ZC3H12B: variants seen among roughly 807,000 people sequenced by gnomAD.
ZC3H12B encodes zinc finger CCCH-type containing 12B, also known as probable ribonuclease ZC3H12B.
In ZC3H12B, 7 loss-of-function variants were observed where a neutral mutation model predicts 43.9. The observed-to-expected ratio is 0.16, with a 90% confidence interval of 0.09 to 0.30. The LOEUF (loss-of-function observed/expected upper bound fraction) is 0.30, where lower values mean the gene tolerates loss of function less well. ZC3H12B is among the 10% of genes least tolerant of loss of function. The pLI, the probability that ZC3H12B is intolerant of heterozygous loss-of-function variation, is 1.00. For synonymous variants in ZC3H12B, 222 were observed against 241.7 expected, an observed-to-expected ratio of 0.92 and a Z score of 0.76; for missense variants, 475 against 670.2, an observed-to-expected ratio of 0.71 and a Z score of 3.22.
the ZC3H12B span, among the ~76,000 whole-genome samples, chrX:65,155,338 A>G: frequency 9.1e-6 from 1 of 110,254 alleles, no homozygotes; most frequent in South Asian, 3.9e-4. Flanking sequence ...GAGCGATCAC[A>G]TAGTTTATCC....
At chrX:65,237,607 C>T in the ZC3H12B span, among the ~76,000 whole-genome samples, 5 of 108,556 alleles carry the variant, frequency 4.6e-5, no homozygotes, top group East Asian at 8.7e-4. Flanking sequence ...GTATCGAATA[C>T]GAGTTGTGAG....
chrX:65,158,423 C>A, the ZC3H12B span, among the ~76,000 whole-genome samples: 2 of 111,541 alleles, frequency 1.8e-5, no homozygotes, highest in Non-Finnish European at 3.8e-5. Context: ...TCCACATCCT[C>A]TCCAGCACCT....
chrX:65,221,049 C>G, the ZC3H12B span, among the ~76,000 whole-genome samples: 10 of 111,504 alleles, frequency 9.0e-5, no homozygotes, highest in African/African-American at 3.3e-4. Flanking sequence ...CAAAAGGAAC[C>G]CTCAATACCA....
intron 3 of ZC3H12B, among the ~76,000 whole-genome samples, chrX:65,442,513 C>T (rs1285504407): frequency 9.0e-6 from 1 of 110,921 alleles, no homozygotes; most frequent in Non-Finnish European, 1.9e-5. Context: ...CTAAACCAGC[C>T]CAGCCGTCGA....
At chrX:65,243,180 G>A in the ZC3H12B span, among the ~76,000 whole-genome samples, 1 of 111,803 alleles carries the variant, frequency 8.9e-6, no homozygotes, top group Non-Finnish European at 1.9e-5. Flanking sequence ...TCAACGAACT[G>A]AAGAGATAAA....
chrX:65,204,676 C>G, the ZC3H12B span, among the ~76,000 whole-genome samples: 1 of 111,632 alleles, frequency 9.0e-6, no homozygotes, highest in East Asian at 2.8e-4. Flanking sequence ...GTAGCCTTAC[C>G]TTTTGAGAGG....
chrX:65,207,164 C>T, the ZC3H12B span, among the ~76,000 whole-genome samples: 1 of 107,643 alleles, frequency 9.3e-6, no homozygotes, highest in East Asian at 3.0e-4. Context: ...TGGGTTTCTA[C>T]TTAGAAAAAA....
upstream of ZC3H12B, among the ~76,000 whole-genome samples, chrX:65,365,822 T>C (rs1253474233): frequency 9.2e-6 from 1 of 108,726 alleles, no homozygotes; most frequent in Non-Finnish European, 1.9e-5. Flanking sequence ...CCCCCACCCC[T>C]GTCCGCCAGA....
At chrX:65,159,649 A>C in the ZC3H12B span, among the ~76,000 whole-genome samples, 1 of 111,157 alleles carries the variant, frequency 9.0e-6, no homozygotes, top group Admixed American at 9.6e-5. Context: ...TTATCAGCTT[A>C]AGGAGATTTT....
chrX:65,200,797 AT>A, the ZC3H12B span, among the ~76,000 whole-genome samples: 1 of 109,737 alleles, frequency 9.1e-6, no homozygotes, highest in Non-Finnish European at 1.9e-5. Flanking sequence ...CCATTTTTCA[AT>A]TTTTGTTTTT....
chrX:65,243,666 A>C, the ZC3H12B span, among the ~76,000 whole-genome samples: 1 of 112,481 alleles, frequency 8.9e-6, no homozygotes. Context: ...AGATATCTGC[A>C]CTTCTATGTT....
the ZC3H12B span, among the ~76,000 whole-genome samples, chrX:65,207,530 C>T: frequency 1.8e-5 from 2 of 110,464 alleles, no homozygotes; most frequent in East Asian, 5.8e-4. Context: ...ACATTGGGTA[C>T]AGTGTACACT....
At chrX:65,413,914 A>G (rs1162742001) in intron 3 of ZC3H12B, among the ~76,000 whole-genome samples, 5 of 111,924 alleles carry the variant, frequency 4.5e-5, no homozygotes, top group Admixed American at 1.9e-4. Flanking sequence ...TAATTCTTCC[A>G]TTTTATGAAC....
At chrX:65,231,012 G>A in the ZC3H12B span, among the ~76,000 whole-genome samples, 1 of 111,724 alleles carries the variant, frequency 9.0e-6, no homozygotes, top group Non-Finnish European at 1.9e-5. Context: ...GGGGGAACCA[G>A]CCCCCAGTAT....
At chrX:65,179,565 T>C in the ZC3H12B span, among the ~76,000 whole-genome samples, 1 of 110,083 alleles carries the variant, frequency 9.1e-6, no homozygotes, top group Non-Finnish European at 1.9e-5. Context: ...CTGGGTTTTT[T>C]AAAAGACTAA....
the ZC3H12B span, among the ~76,000 whole-genome samples, chrX:65,268,154 G>T: frequency 9.0e-6 from 1 of 111,601 alleles, no homozygotes; most frequent in Non-Finnish European, 1.9e-5. Context: ...TCAACAAATT[G>T]GATAACCTAG....
the ZC3H12B span, among the ~76,000 whole-genome samples, chrX:65,110,415 T>C: frequency 9.1e-6 from 1 of 110,012 alleles, no homozygotes; most frequent in Non-Finnish European, 1.9e-5. Context: ...CTAAAAGTTT[T>C]ATAGTTTGTT....
chrX:65,174,130 G>T, the ZC3H12B span, among the ~76,000 whole-genome samples: 10 of 111,045 alleles, frequency 9.0e-5, no homozygotes, highest in South Asian at 1.6e-3. Context: ...TCCCAGAGGG[G>T]CACCAGCCTA....
chrX:65,200,245 A>G, the ZC3H12B span, among the ~76,000 whole-genome samples: 1 of 110,664 alleles, frequency 9.0e-6, no homozygotes, highest in African/African-American at 3.3e-5. Context: ...GGCCGCATGT[A>G]TGTCTTCTTT....
Sources: allele counts gnomAD v4.1 joint callset (sites outside exome capture counted in the v4.1 genomes callset), GRCh38; gene constraint gnomAD v4.1.1; transcripts MANE v1.5; gene names NCBI Gene and HGNC (gene_info 2026-07-23, HGNC 2026-07-21).